Variants in TANGO6 observed in about 807,000 individuals in gnomAD.
TANGO6 encodes transport and golgi organization 6 homolog.
In TANGO6, 90 loss-of-function variants were observed where a neutral mutation model predicts 114.2. The observed-to-expected ratio is 0.79, with a 90% CI of 0.66 to 0.94. The LOEUF (loss-of-function observed/expected upper bound fraction) is 0.94, where lower values mean the gene tolerates loss of function less well. Among genes scored for constraint, TANGO6 ranks in the 40% least tolerant of loss-of-function variants. The pLI, the probability that TANGO6 is intolerant of heterozygous loss-of-function variation, is 0.00. For synonymous variants in TANGO6, 477 were observed against 509.8 expected (o/e 0.94, Z 0.87); for missense variants, 1,274 against 1,315.3 (o/e 0.97, Z 0.49).
At chr16:68,851,263 G>A (rs1961898652) in intron 1 of TANGO6, among the ~76,000 whole-genome samples, 2 of 152,024 alleles carry the variant, frequency 1.3e-5, no homozygotes, top group Non-Finnish European at 2.9e-5. Context: ...AGGTTCAAGC[G>A]ATTCTCCTGC....
At chr16:68,873,850 C>G (rs558451020) in intron 4 of TANGO6, among the ~76,000 whole-genome samples, 1 of 152,136 alleles carries the variant, frequency 6.6e-6, no homozygotes, top group Non-Finnish European at 1.5e-5. Flanking sequence ...CTTTTCAGCT[C>G]TGTTAGTGTG....
intron 11 of TANGO6, among the ~76,000 whole-genome samples, chr16:68,918,250 T>C (rs1481667547): frequency 3.3e-5 from 5 of 152,192 alleles, no homozygotes; most frequent in Non-Finnish European, 7.3e-5. Context: ...TCTGTAAATT[T>C]TGGAAAACAG....
At chr16:69,063,524 CA>C (rs1005170077) in intron 17 of TANGO6, among the ~76,000 whole-genome samples, 169 of 125,942 alleles carry the variant, frequency 1.3e-3, no homozygotes, top group East Asian at 1.4e-3. Context: ...GACCCCGTCT[CA>C]AAAAAAAAAA....
chr16:69,043,172 G>C (rs186349612), intron 17 of TANGO6, among the ~76,000 whole-genome samples: 1 of 152,304 alleles, frequency 6.6e-6, no homozygotes, highest in African/African-American at 2.4e-5. Context: ...GTTGCAGTGA[G>C]CCAAGATCGC....
intron 15 of TANGO6, among the ~76,000 whole-genome samples, chr16:69,021,900 T>G (rs1959413125): frequency 6.6e-6 from 1 of 150,876 alleles, no homozygotes; most frequent in Admixed American, 6.6e-5. Flanking sequence ...TTTTTTTTTT[T>G]TTTAAGACAG....
At chr16:68,953,050 T>TTTTTTATTATTA (rs1555525236) in intron 14 of TANGO6, among the ~76,000 whole-genome samples, 3,108 of 139,160 alleles carry the variant, frequency 0.022, 44 homozygotes, top group Non-Finnish European at 0.036. Flanking sequence ...ACAGGTATTT[T>TTTTTTATTATTA]TTATTATTAT....
intron 14 of TANGO6, among the ~76,000 whole-genome samples, chr16:68,963,007 T>C (rs1357950922): frequency 6.9e-6 from 1 of 145,978 alleles, no homozygotes; most frequent in African/African-American, 2.6e-5. Context: ...GGCAGGAGAA[T>C]GCCATGAACC....
intron 16 of TANGO6, among the ~76,000 whole-genome samples, chr16:69,027,182 A>G (rs189713382): frequency 3.3e-5 from 5 of 152,240 alleles, no homozygotes; most frequent in East Asian, 1.9e-4. Context: ...ATTTTTTTCA[A>G]TGTTTGGCAG....
intron 14 of TANGO6, among the ~76,000 whole-genome samples, chr16:68,963,627 G>C (rs1291610813): frequency 6.6e-6 from 1 of 152,170 alleles, no homozygotes; most frequent in Non-Finnish European, 1.5e-5. Context: ...AGGTGCACAC[G>C]CATAGGTACA....
At chr16:68,884,277 G>A (rs2152172935) in intron 7 of TANGO6, among the ~76,000 whole-genome samples, 1 of 152,196 alleles carries the variant, frequency 6.6e-6, no homozygotes, top group Middle Eastern at 3.4e-3. Flanking sequence ...TTTTGAAAAT[G>A]GAGTCTACCC....
At chr16:68,932,127 G>A (rs1332072652) in intron 14 of TANGO6, among the ~76,000 whole-genome samples, 1 of 151,100 alleles carries the variant, frequency 6.6e-6, no homozygotes, top group African/African-American at 2.4e-5. Flanking sequence ...TTTCACTCTT[G>A]TTGCCCAGAC....
intron 7 of TANGO6, 90 bp from the exon 8 acceptor site, chr16:68,900,344 C>A: frequency 1.0e-6 from 1 of 982,004 alleles, no homozygotes; most frequent in South Asian, 1.4e-5. Flanking sequence ...TTGCTTAAGA[C>A]GCTGAGCCCT....
At chr16:69,035,109 C>A (rs1293521240) in intron 16 of TANGO6, 1 of 152,126 alleles carries the variant, frequency 6.6e-6, no homozygotes, top group African/African-American at 2.4e-5. Context: ...GATACAAAGC[C>A]ACTGCCTCTG....
chr16:68,930,405 G>T (rs1963224600), intron 14 of TANGO6, 110 bp downstream of exon 14: 1 of 883,008 alleles, frequency 1.1e-6, no homozygotes, highest in South Asian at 1.6e-5. Context: ...TGGTCATTTT[G>T]TCCGTCTTCC....
intron 14 of TANGO6, chr16:68,937,188 A>G (rs1209821586): frequency 6.6e-6 from 1 of 152,236 alleles, no homozygotes; most frequent in Non-Finnish European, 1.5e-5. Flanking sequence ...TGGACCTGGC[A>G]TGGAAATTTG....
Position 68,944,744 on chromosome 16 carries a change from C to T in TANGO6, c.2701+14449C>T, listed in dbSNP as rs1291156550. Reference sequence around the variant, plus strand: ...GTCAGGTTTGGAATCCCACTTCTGACACCACATATGTCAAAATCAAATAAA... The same window carrying T: ...GTCAGGTTTGGAATCCCACTTCTGATACCACATATGTCAAAATCAAATAAA... On this transcript the variant is annotated intron_variant, in intron 14 of 17. Transcript: ENST00000261778. Among the ~76,000 whole-genome samples, 3 of 152,298 alleles carry T rather than the reference C, an allele frequency of 2.0e-5. No homozygotes were observed. The East Asian group carries it at 5.8e-4, about 29-fold the overall frequency.
chr16:69,062,228 G>A (rs1960129260), intron 17 of TANGO6, among the ~76,000 whole-genome samples: 1 of 152,110 alleles, frequency 6.6e-6, no homozygotes. Context: ...TCCAAGAAGT[G>A]CAATAAGTTA....
In TANGO6 at chr16:69,040,472, A is replaced by C. The variant is rs369717233; in HGVS notation, c.3108+51A>C. ...ATTTCTCCACCTCTTTTATTTGTCT[A>C]TTTCTCAATCTTCCTTTTACCAGGG... On this transcript the variant is annotated intron_variant, in intron 17 of 17. Coordinates refer to ENST00000261778, the MANE Select transcript of TANGO6 (RefSeq NM_024562.2). 69 of 1,450,764 alleles carry C rather than the reference A, an allele frequency of 4.8e-5. No individual in the cohort carries two copies. The African/African-American group carries it at 8.6e-4, about 18-fold the overall frequency. 89.9% of individuals were successfully genotyped at this position (1,450,764 alleles called of 1,614,324 possible). A position where few individuals can be genotyped will look rare whatever the true frequency, so the allele number is the denominator to read the frequency against.
At chr16:69,063,718 T>G (rs1368758698) in intron 17 of TANGO6, among the ~76,000 whole-genome samples, 2 of 146,810 alleles carry the variant, frequency 1.4e-5, no homozygotes, top group Non-Finnish European at 3.0e-5. Flanking sequence ...TGGAGAATCA[T>G]TAACTAGAAT....
Sources: allele counts gnomAD v4.1 joint callset (sites outside exome capture counted in the v4.1 genomes callset), GRCh38; gene constraint gnomAD v4.1.1; transcripts MANE v1.5; gene names NCBI Gene and HGNC (gene_info 2026-07-23, HGNC 2026-07-21).